The following SVIL variants were observed in gnomAD, a reference collection of about 807,000 sequenced individuals.
SVIL encodes the protein archvillin.
SVIL carries 101 observed loss-of-function variants against 240.4 expected under a neutral mutation model. The ratio of observed to expected loss-of-function variants is 0.42; its 90% CI spans 0.36 to 0.50. SVIL has a LOEUF of 0.50. Ranked by LOEUF, SVIL falls within the 20% of genes least tolerant of loss-of-function variation. The pLI is 0.01. For missense variants in SVIL, 2,512 were observed against 2,818.7 expected, an observed-to-expected ratio of 0.89 and a Z score of 2.46; for synonymous variants, 999 against 1,100.0, an observed-to-expected ratio of 0.91 and a Z score of 1.82.
At chr10:29,505,125 CCAGCCTG>C (rs1949173286) in intron 17 of SVIL, among the ~76,000 whole-genome samples, 1 of 152,160 alleles carries the variant, frequency 6.6e-6, no homozygotes, top group Non-Finnish European at 1.5e-5. Context: ...GAGTTTGAGA[CCAGCCTG>C]GCCAACATGG....
At chr10:29,616,623 G>A (rs971692191) in intron 1 of SVIL, among the ~76,000 whole-genome samples, 28 of 152,318 alleles carry the variant, frequency 1.8e-4, no homozygotes, top group South Asian at 2.1e-4. Context: ...TGAAGGCAAC[G>A]GAGGATCTCT....
intron 35 of SVIL, 87 bp from the exon 36 acceptor site, chr10:29,462,488 A>G (rs1944381256): frequency 2.0e-6 from 3 of 1,534,332 alleles, no homozygotes; most frequent in African/African-American, 2.8e-5. Flanking sequence ...CTTCTTTGCC[A>G]GAACTCATGA....
At chr10:29,529,604 A>T (rs1256843488) in intron 12 of SVIL, 101 bp downstream of exon 12, 1 of 1,375,946 alleles carries the variant, frequency 7.3e-7, no homozygotes, top group African/African-American at 1.5e-5. Flanking sequence ...CTTCTAGCTA[A>T]ATCACCTCCC....
intron 17 of SVIL, among the ~76,000 whole-genome samples, chr10:29,501,715 G>C (rs1483926881): frequency 1.3e-5 from 2 of 152,194 alleles, no homozygotes; most frequent in African/African-American, 4.8e-5. Flanking sequence ...TCACTTGCCC[G>C]AAAGACCTCA....
intron 2 of SVIL, among the ~76,000 whole-genome samples, chr10:29,678,151 G>A (rs1960343690): frequency 2.0e-5 from 3 of 152,052 alleles, no homozygotes; most frequent in East Asian, 1.9e-4. Context: ...GATGGTTTCA[G>A]GATGATTCAA....
intron 28 of SVIL, 117 bp downstream of exon 28, chr10:29,481,467 T>G: frequency 7.6e-7 from 1 of 1,307,248 alleles, no homozygotes; most frequent in Non-Finnish European, 1.1e-6. Flanking sequence ...CACAAAGAAA[T>G]GATACATCTG....
At chr10:29,631,553 G>T (rs1397781899) in intron 1 of SVIL, among the ~76,000 whole-genome samples, 2 of 149,348 alleles carry the variant, frequency 1.3e-5, no homozygotes, top group Non-Finnish European at 3.0e-5. Flanking sequence ...GAGGTGGGCA[G>T]ATCATGAGGT....
At chr10:29,535,868 G>T in intron 7 of SVIL, 121 bp downstream of exon 7, 1 of 967,782 alleles carries the variant, frequency 1.0e-6, no homozygotes, top group Non-Finnish European at 1.6e-6. Context: ...ACTTCCACGT[G>T]ATTTTCAAGT....
Position 29,486,108 on chromosome 10 carries a change from A to T in SVIL, c.4756T>A (p.Cys1586Ser). 1 of 1,614,222 alleles carries T rather than the reference A, an allele frequency of 6.2e-7. No homozygotes were observed. Among genetic ancestry groups the T allele is most frequent in the Non-Finnish European group, 8.5e-7 (1 of 1,180,036 alleles). Reference sequence around the variant, plus strand: ...ACCTCTTTGGGTTGCAGAAGGGAGCACTTCGGAATTTTCCCCCAGTAGTCG... The same window carrying T: ...ACCTCTTTGGGTTGCAGAAGGGAGCTCTTCGGAATTTTCCCCCAGTAGTCG... ...DDDYWGKIPK[C>S]SLLQPKEVLV... is the part of the protein sequence containing the mutation. Residue 1586 changes from cysteine (C) to serine (S), a missense_variant, in exon 26 of 38, where the codon TGC (cysteine) becomes AGC (serine). Cys to Ser is a moderately radical substitution (Grantham distance 112). Coordinates refer to ENST00000355867, the MANE Select transcript of SVIL (RefSeq NM_021738.3).
At chr10:29,637,142 A>G (rs1253938429), upstream of SVIL, among the ~76,000 whole-genome samples, 1 of 152,110 alleles carries the variant, frequency 6.6e-6, no homozygotes, top group Non-Finnish European at 1.5e-5. Context: ...TCTAAAATTT[A>G]TAGTAAAGGT....
Position 29,524,444 on chromosome 10 carries a change from A to G in SVIL, c.2586+28T>C, listed in dbSNP as rs74129702. On this transcript the variant is annotated intron_variant, in intron 14 of 37. Coordinates refer to ENST00000355867, the MANE Select transcript of SVIL (RefSeq NM_021738.3). ...TATAATTTAAGAACACACACACACAAACTGCAATCGGACTATAGCACACCC... is the reference window on the plus strand; with the variant it reads ...TATAATTTAAGAACACACACACACAGACTGCAATCGGACTATAGCACACCC... The G allele has an allele frequency of 2.1e-3, 3,401 of 1,611,436 alleles. 72 individuals carry two copies. The African/African-American group carries it at 0.04, about 19-fold the overall frequency.
chr10:29,535,394 T>C (rs1271538156), intron 7 of SVIL, among the ~76,000 whole-genome samples: 3 of 152,248 alleles, frequency 2.0e-5, no homozygotes, highest in Non-Finnish European at 4.4e-5. Context: ...ACAAAGTGAC[T>C]GTCAGAAACT....
chr10:29,637,591 C>A (rs1297696383), upstream of SVIL, among the ~76,000 whole-genome samples: 3 of 152,194 alleles, frequency 2.0e-5, no homozygotes, highest in African/African-American at 7.2e-5. Flanking sequence ...AAAAGAGAGA[C>A]ACATAACATA....
chr10:29,469,664 A>G (rs1945329887), intron 32 of SVIL, among the ~76,000 whole-genome samples: 1 of 152,054 alleles, frequency 6.6e-6, no homozygotes, highest in Non-Finnish European at 1.5e-5. Context: ...CCTCTTCCCC[A>G]AGGTCCCCAC....
intron 1 of SVIL, among the ~76,000 whole-genome samples, chr10:29,598,027 C>G (rs1171848594): frequency 2.0e-5 from 3 of 152,030 alleles, no homozygotes; most frequent in Non-Finnish European, 4.4e-5. Context: ...AATGGGTCAA[C>G]AAAACGTGGT....
chr10:29,527,498 C>T (rs1265201602), intron 12 of SVIL, among the ~76,000 whole-genome samples: 2 of 152,106 alleles, frequency 1.3e-5, no homozygotes, highest in African/African-American at 4.8e-5. Context: ...ATGATCTTGG[C>T]TCACTGCAAA....
chr10:29,485,978 A>G, intron 26 of SVIL, 107 bp downstream of exon 26: 7 of 1,314,680 alleles, frequency 5.3e-6, no homozygotes, highest in Non-Finnish European at 6.3e-6. Context: ...ATGGATACCG[A>G]CACTGGCTAA....
chr10:29,728,888 T>A (rs910133778), intron 1 of SVIL, among the ~76,000 whole-genome samples: 4 of 152,026 alleles, frequency 2.6e-5, no homozygotes, highest in Admixed American at 6.6e-5. Flanking sequence ...AAGGCAAATG[T>A]GTCCCTAAGA....
chr10:29,458,520 G>A lies in SVIL; in HGVS notation c.6472C>T (p.Pro2158Ser), dbSNP rs1270371880. The A allele has an allele frequency of 6.2e-7, 1 of 1,603,996 alleles. No individual in the cohort carries two copies. The highest frequency in any genetic ancestry group is 8.5e-7 in the Non-Finnish European group (1 of 1,175,518). The change falls in exon 37 of 38, where the codon CCG becomes TCG. Residue 2158 changes from proline to serine, a missense_variant. Around this residue, in one of 3 missense-constraint regions of SVIL, gnomAD observed 797 missense variants for 925.3 expected, o/e 0.86. Coordinates refer to ENST00000355867, the MANE Select transcript of SVIL (RefSeq NM_021738.3). ...VLAKLCKTIY[P>S]LADLLARPLP... ...GGCCTGGCCAGGAGGTCGGCCAGCG[G>A]GTAAATGGTTTTACAGAGCTTGGCT...
Sources: allele counts gnomAD v4.1 joint callset (sites outside exome capture counted in the v4.1 genomes callset), GRCh38; gene constraint gnomAD v4.1.1; regional missense constraint gnomAD v4.1.1; transcripts MANE v1.5; gene names NCBI Gene and HGNC (gene_info 2026-07-23, HGNC 2026-07-21).